Variants in TBC1D14 observed in about 807,000 individuals in gnomAD.
TBC1D14 encodes TBC1 domain family member 14.
In TBC1D14, 26 loss-of-function variants were observed where a neutral mutation model predicts 79.0. That is an observed-to-expected ratio of 0.33 (90% CI 0.24 to 0.46). TBC1D14 has a LOEUF of 0.46. Among genes scored for constraint, TBC1D14 ranks in the 20% least tolerant of loss-of-function variants. TBC1D14 has a pLI of 1.00. For synonymous variants in TBC1D14, 394 were observed against 349.9 expected, an observed-to-expected ratio of 1.13 and a Z score of -1.40; for missense variants, 769 against 887.6, an observed-to-expected ratio of 0.87 and a Z score of 1.70.
rs547108170 is a variant in TBC1D14 at position 6,967,548 on chromosome 4, C to T, written c.843+124C>T. 1.4e-4 allele frequency: 175 copies of T among 1,251,994 alleles called. 2 individuals are homozygous for T. The South Asian group carries it at 2.0e-3, about 14-fold the overall frequency. 77.6% of individuals were successfully genotyped at this position (1,251,994 alleles called of 1,614,324 possible). ...ATCGCTTTGTATTATCTGCATACCA[C>T]GTTCCTCAGATTTAAGTCTGTATTC... On this transcript the variant is annotated intron_variant, in intron 3 of 13. Coordinates refer to ENST00000409757, the MANE Select transcript of TBC1D14 (RefSeq NM_020773.3).
intron 2 of TBC1D14, among the ~76,000 whole-genome samples, chr4:6,928,204 G>A (rs188397332): frequency 6.6e-6 from 1 of 152,318 alleles, no homozygotes; most frequent in Non-Finnish European, 1.5e-5. Context: ...CTTGCCCAGT[G>A]AAGGTGTGGG....
At chr4:6,917,630 CT>C (rs1412798193) in intron 1 of TBC1D14, among the ~76,000 whole-genome samples, 1 of 152,022 alleles carries the variant, frequency 6.6e-6, no homozygotes, top group Non-Finnish European at 1.5e-5. Flanking sequence ...CTGCACAAGG[CT>C]GGAGAGGCAG....
intron 11 of TBC1D14, among the ~76,000 whole-genome samples, chr4:7,011,983 A>C (rs1013234107): frequency 8.6e-5 from 13 of 152,010 alleles, no homozygotes; most frequent in Non-Finnish European, 1.9e-4. Flanking sequence ...TCTTGCTCAG[A>C]TAGTACATAC....
chr4:7,004,959 G>C (rs1483692730), intron 8 of TBC1D14, 35 bp downstream of exon 8: 2 of 1,577,834 alleles, frequency 1.3e-6, no homozygotes, highest in African/African-American at 2.7e-5. Flanking sequence ...GACTGCTGTG[G>C]TCAATTATGT....
chr4:6,932,947 C>G (rs758825201), intron 2 of TBC1D14, among the ~76,000 whole-genome samples: 7 of 152,102 alleles, frequency 4.6e-5, no homozygotes, highest in Non-Finnish European at 8.8e-5. Flanking sequence ...GCTGTGTCCC[C>G]GTCCCAGTCT....
At chr4:6,994,075 C>A in intron 3 of TBC1D14, 109 bp from the exon 4 acceptor site, 1 of 951,010 alleles carries the variant, frequency 1.1e-6, no homozygotes, top group East Asian at 2.4e-5. Context: ...GGCGAATTGT[C>A]CTCGAAATTG....
chr4:6,992,585 A>C (rs879339050), intron 3 of TBC1D14, among the ~76,000 whole-genome samples: 3 of 152,236 alleles, frequency 2.0e-5, no homozygotes, highest in Admixed American at 2.0e-4. Context: ...CATACAGTTC[A>C]CCAGACCAGG....
intron 3 of TBC1D14, among the ~76,000 whole-genome samples, chr4:6,978,693 T>C (rs56104308): frequency 0.078 from 10,572 of 135,022 alleles, 612 homozygotes; most frequent in African/African-American, 0.17. Context: ...TGTCCCGTGA[T>C]CCTGCCAAAT....
chr4:6,954,111 C>T, intron 2 of TBC1D14: 1 of 593,394 alleles, frequency 1.7e-6, no homozygotes, highest in South Asian at 2.0e-5. Context: ...GGAGGCCCGC[C>T]CTGCCGCCCC....
intron 13 of TBC1D14, among the ~76,000 whole-genome samples, chr4:7,030,043 G>T (rs1722882834): frequency 6.6e-6 from 1 of 152,162 alleles, no homozygotes; most frequent in African/African-American, 2.4e-5. Flanking sequence ...TTCCTGGGTG[G>T]CCACTGCAGG....
chr4:6,999,994 G>T (rs1457634955), intron 6 of TBC1D14, among the ~76,000 whole-genome samples: 2 of 152,190 alleles, frequency 1.3e-5, no homozygotes, highest in African/African-American at 2.4e-5. Flanking sequence ...CATTCGGGGA[G>T]CTTGGATGCC....
chr4:6,994,087 C>T (rs1718771028), intron 3 of TBC1D14, 97 bp from the exon 4 acceptor site: 9 of 1,102,270 alleles, frequency 8.2e-6, no homozygotes, highest in Non-Finnish European at 1.1e-5. Context: ...TCGAAATTGG[C>T]TTAAAAGAGT....
At chr4:6,998,303 T>C (rs1370593925) in intron 5 of TBC1D14, among the ~76,000 whole-genome samples, 1 of 149,290 alleles carries the variant, frequency 6.7e-6, no homozygotes, top group Non-Finnish European at 1.5e-5. Context: ...GAGGTTTCAG[T>C]GAGCCAAGAT....
At chr4:7,000,668 C>G (rs1175244788) in intron 6 of TBC1D14, among the ~76,000 whole-genome samples, 1 of 152,232 alleles carries the variant, frequency 6.6e-6, no homozygotes, top group East Asian at 1.9e-4. Context: ...CAGCTCACAT[C>G]TGGGCGCTGG....
intron 13 of TBC1D14, among the ~76,000 whole-genome samples, chr4:7,027,709 A>C (rs1722579719): frequency 1.1e-5 from 1 of 94,762 alleles, no homozygotes; most frequent in South Asian, 4.1e-4. Context: ...CACACATCAC[A>C]CAACCACACA....
intron 8 of TBC1D14, among the ~76,000 whole-genome samples, chr4:7,005,220 T>C (rs1720060154): frequency 1.3e-5 from 2 of 151,406 alleles, no homozygotes; most frequent in East Asian, 3.9e-4. Flanking sequence ...GCCAACATGG[T>C]GAAACCCTGT....
At chr4:6,939,403 C>A (rs1270281901) in intron 2 of TBC1D14, among the ~76,000 whole-genome samples, 1 of 151,810 alleles carries the variant, frequency 6.6e-6, no homozygotes, top group African/African-American at 2.4e-5. Flanking sequence ...TGCGCAATGC[C>A]ACCCGACCAG....
intron 2 of TBC1D14, among the ~76,000 whole-genome samples, chr4:6,940,990 A>G (rs982291522): frequency 1.3e-5 from 2 of 152,126 alleles, no homozygotes; most frequent in African/African-American, 4.8e-5. Flanking sequence ...AATGGAGAAA[A>G]AGGATTGAAT....
At chr4:7,023,030 T>TG (rs1440098908) in intron 12 of TBC1D14, among the ~76,000 whole-genome samples, 1 of 151,852 alleles carries the variant, frequency 6.6e-6, no homozygotes, top group Admixed American at 6.6e-5. Flanking sequence ...CTAAGGTAGG[T>TG]GAATCACGAG....
Sources: gnomAD v4.1 joint callset for allele counts (sites outside exome capture counted in the v4.1 genomes callset) on GRCh38, gnomAD v4.1.1 for gene constraint, MANE v1.5 for transcripts, NCBI Gene and HGNC (gene_info 2026-07-23, HGNC 2026-07-21) for gene names.